Variants in UNC5D observed in about 807,000 individuals in gnomAD.
The protein encoded by UNC5D is netrin receptor UNC5D.
UNC5D carries 39 observed loss-of-function variants against 105.4 expected under a neutral mutation model. The observed-to-expected ratio is 0.37, with a 90% CI of 0.29 to 0.48. The LOEUF (loss-of-function observed/expected upper bound fraction) is 0.48, where lower values mean the gene tolerates loss of function less well. Ranked by LOEUF, UNC5D falls within the 20% of genes least tolerant of loss-of-function variation. The probability of loss-of-function intolerance (pLI) is 0.98; values close to 1 mark genes in which losing one functional copy is unlikely to be tolerated. For synonymous variants in UNC5D, 452 were observed against 450.4 expected (o/e 1.00, Z -0.04); for missense variants, 991 against 1,202.4 (o/e 0.82, Z 2.60).
At chr8:35,737,798 GACATA>G (rs932178687) in intron 11 of UNC5D, among the ~76,000 whole-genome samples, 3 of 152,032 alleles carry the variant, frequency 2.0e-5, no homozygotes, top group Non-Finnish European at 4.4e-5. Context: ...CCTCAGTGTT[GACATA>G]ACATAAGAAA....
At chr8:35,576,785 T>C (rs984566233) in intron 3 of UNC5D, among the ~76,000 whole-genome samples, 1 of 152,106 alleles carries the variant, frequency 6.6e-6, no homozygotes, top group Non-Finnish European at 1.5e-5. Flanking sequence ...GCTAACTTTT[T>C]TGTATTTTTA....
rs536506066 is a variant in UNC5D at position 35,599,258 on chromosome 8, A to G, written c.570+3601A>G. ...GAGGAGACATTGGTCAAAGGGTACA[A>G]TATTTTGGTTAGAGAGGACTATGTT... is the stretch of plus-strand genomic sequence containing the variant. On this transcript the variant is annotated intron_variant, in intron 4 of 16. Coordinates refer to ENST00000404895, the MANE Select transcript of UNC5D (RefSeq NM_080872.4). Among the ~76,000 whole-genome samples the G allele has an allele frequency of 2.6e-5, 4 of 151,904 alleles. No individual in the cohort carries two copies. In the South Asian group the frequency reaches 8.3e-4, roughly 32 times the overall value.
At chr8:35,273,920 A>G (rs549956535) in intron 1 of UNC5D, among the ~76,000 whole-genome samples, 31 of 152,106 alleles carry the variant, frequency 2.0e-4, no homozygotes, top group African/African-American at 7.0e-4. Context: ...AACCCAAAGC[A>G]TTTCATTTTC....
At position 35,745,317 on chromosome 8, in the gene UNC5D, A is replaced by G. The variant is rs528666659; in HGVS notation, c.1767-3210A>G. ...AAATCATGTGGATGTCTAGGGGAAA[A>G]CTCTTCCAGGAAGCAGGCAGCACTC... On this transcript the variant is annotated intron_variant, in intron 11 of 16. Coordinates refer to ENST00000404895, the MANE Select transcript of UNC5D (RefSeq NM_080872.4). Among the ~76,000 whole-genome samples, 3 of 152,070 alleles carry G rather than the reference A, an allele frequency of 2.0e-5. No individual in the cohort carries two copies. In the East Asian group the frequency reaches 5.8e-4, roughly 30 times the overall value.
intron 1 of UNC5D, among the ~76,000 whole-genome samples, chr8:35,445,512 G>A (rs188767112): frequency 4.9e-4 from 75 of 152,118 alleles, no homozygotes; most frequent in African/African-American, 1.7e-3. Context: ...TAAGGGGTTG[G>A]TACTATTATG....
At chr8:35,519,020 G>A (rs10112860) in intron 1 of UNC5D, among the ~76,000 whole-genome samples, 24,650 of 152,038 alleles carry the variant, frequency 0.16, 2,623 homozygotes, top group East Asian at 0.27. Flanking sequence ...TTCTCCAGAA[G>A]TAATGAAGAA....
chr8:35,502,970 T>C (rs887752745), intron 1 of UNC5D, among the ~76,000 whole-genome samples: 7 of 152,218 alleles, frequency 4.6e-5, no homozygotes, highest in African/African-American at 1.7e-4. Flanking sequence ...ACTCAAAGTG[T>C]GGTCCATAGA....
chr8:35,727,821 AT>A (rs1354641634), intron 10 of UNC5D: 1 of 152,144 alleles, frequency 6.6e-6, no homozygotes, highest in Non-Finnish European at 1.5e-5. Flanking sequence ...TTGGAAGATA[AT>A]GAGTCAATCA....
chr8:35,667,360 C>T (rs1353189820), intron 4 of UNC5D, among the ~76,000 whole-genome samples: 1 of 152,112 alleles, frequency 6.6e-6, no homozygotes, highest in African/African-American at 2.4e-5. Context: ...ATGGCGTGGC[C>T]ATTTTCCAAA....
At chr8:35,264,583 A>T (rs575436883) in intron 1 of UNC5D, among the ~76,000 whole-genome samples, 7 of 152,218 alleles carry the variant, frequency 4.6e-5, no homozygotes, top group Non-Finnish European at 8.8e-5. Context: ...CAAAAATTAT[A>T]GCCAGGTGTG....
chr8:35,389,768 G>C (rs1234879688), intron 1 of UNC5D, among the ~76,000 whole-genome samples: 1 of 151,010 alleles, frequency 6.6e-6, no homozygotes, highest in Non-Finnish European at 1.5e-5. Flanking sequence ...AGTCTCGTGG[G>C]GCAATATGTA....
intron 4 of UNC5D, among the ~76,000 whole-genome samples, chr8:35,638,653 T>C (rs952118736): frequency 1.3e-5 from 2 of 151,588 alleles, no homozygotes; most frequent in African/African-American, 4.8e-5. Flanking sequence ...AAAATTAGAG[T>C]GTATGATGAC....
rs199507327 is a variant in UNC5D at position 35,705,951 on chromosome 8, A to G, written c.1107A>G (p.Ile369Met). Residue 369 changes from isoleucine to methionine, a missense_variant, in exon 8 of 17, where the codon ATA becomes ATG. Transcript: ENST00000404895. ...CILDKKPLHE[I>M]KPQSIENASD... ...TAGATAAAAAACCTCTTCATGAAAT[A>G]AAACCCCAAAGTAAGTTATTTTTCC... 45 of 1,312,642 alleles carry G rather than the reference A, an allele frequency of 3.4e-5. No individual in the cohort carries two copies. In the African/African-American group the frequency reaches 3.8e-4, roughly 11 times the overall value. The allele number at this position is 1,312,642 out of a possible 1,614,324, so 81.3% of individuals were successfully genotyped here. A position where few individuals can be genotyped will look rare whatever the true frequency, so the allele number is the denominator to read the frequency against.
chr8:35,465,951 G>A (rs1260848073), intron 1 of UNC5D, among the ~76,000 whole-genome samples: 3 of 152,128 alleles, frequency 2.0e-5, no homozygotes, highest in Non-Finnish European at 2.9e-5. Context: ...GCAGCTTCTA[G>A]AACCTGGAAA....
chr8:35,348,309 A>G (rs17256643), intron 1 of UNC5D, among the ~76,000 whole-genome samples: 1,885 of 152,068 alleles, frequency 0.012, 29 homozygotes, highest in Non-Finnish European at 0.021. Context: ...TTATGAATGC[A>G]AGACACAGAA....
intron 1 of UNC5D, among the ~76,000 whole-genome samples, chr8:35,422,497 C>A (rs1805984487): frequency 6.6e-6 from 1 of 152,212 alleles, no homozygotes; most frequent in Non-Finnish European, 1.5e-5. Context: ...TGGATTCAAT[C>A]ACTAATAAGC....
intron 1 of UNC5D, among the ~76,000 whole-genome samples, chr8:35,488,120 T>G (rs1810955154): frequency 6.6e-6 from 1 of 152,020 alleles, no homozygotes; most frequent in Admixed American, 6.6e-5. Context: ...TGCAAAAAAT[T>G]GAGAAAATGT....
intron 1 of UNC5D, among the ~76,000 whole-genome samples, chr8:35,407,541 G>GTATGTATT (rs1804886187): frequency 6.6e-6 from 1 of 151,640 alleles, no homozygotes; most frequent in Non-Finnish European, 1.5e-5. Context: ...ATGTATGTAT[G>GTATGTATT]TATGTATTCC....
intron 1 of UNC5D, among the ~76,000 whole-genome samples, chr8:35,254,022 T>C (rs1049038615): frequency 7.3e-4 from 111 of 152,312 alleles, no homozygotes; most frequent in African/African-American, 2.5e-3. Context: ...CTGTAATGTG[T>C]CTCGAAACTG....
Sources: allele counts gnomAD v4.1 joint callset (sites outside exome capture counted in the v4.1 genomes callset), GRCh38; gene constraint gnomAD v4.1.1; transcripts MANE v1.5; gene names NCBI Gene and HGNC (gene_info 2026-07-23, HGNC 2026-07-21).